The following TENM2 variants were observed in gnomAD, a reference collection of about 807,000 sequenced individuals.
The protein encoded by TENM2 is teneurin-2.
In TENM2, 52 loss-of-function variants were observed where a neutral mutation model predicts 245.2. The observed-to-expected ratio is 0.21, with a 90% confidence interval of 0.17 to 0.27. The LOEUF is 0.27. Among genes scored for constraint, TENM2 ranks in the 10% least tolerant of loss-of-function variants. The probability of loss-of-function intolerance (pLI) is 1.00; values close to 1 mark genes in which losing one functional copy is unlikely to be tolerated. For synonymous variants in TENM2, 1,363 were observed against 1,438.9 expected (o/e 0.95, Z 1.19); for missense variants, 3,046 against 3,666.8 (o/e 0.83, Z 4.37).
chr5:167,651,303 TTGTC>T (rs1754447160), intron 2 of TENM2, among the ~76,000 whole-genome samples: 1 of 152,056 alleles, frequency 6.6e-6, no homozygotes, highest in Admixed American at 6.5e-5. Flanking sequence ...GAAAAAATAT[TTGTC>T]TGACTCTTGA....
intron 9 of TENM2, among the ~76,000 whole-genome samples, chr5:168,112,698 GT>G (rs1274901578): frequency 6.6e-6 from 1 of 151,392 alleles, no homozygotes; most frequent in Non-Finnish European, 1.5e-5. Flanking sequence ...TCTGACACTG[GT>G]TTGCTCAGCA....
the TENM2 span, among the ~76,000 whole-genome samples, chr5:167,076,645 A>C: frequency 5.3e-5 from 8 of 152,216 alleles, no homozygotes; most frequent in African/African-American, 1.9e-4. Flanking sequence ...TAAGTGACCA[A>C]GTCTCTTTTA....
chr5:167,671,446 T>C (rs778634477), intron 2 of TENM2, among the ~76,000 whole-genome samples: 3 of 152,126 alleles, frequency 2.0e-5, no homozygotes, highest in South Asian at 2.1e-4. Context: ...GGAGACTTTA[T>C]TGAACTACAC....
chr5:167,470,658 A>G (rs1396349135), intron 2 of TENM2, among the ~76,000 whole-genome samples: 1 of 151,900 alleles, frequency 6.6e-6, no homozygotes, highest in Non-Finnish European at 1.5e-5. Flanking sequence ...TGGAACTTGA[A>G]GAAGTTCCTC....
intron 2 of TENM2, among the ~76,000 whole-genome samples, chr5:167,519,384 A>C (rs1194272293): frequency 1.3e-5 from 2 of 152,062 alleles, no homozygotes; most frequent in African/African-American, 4.8e-5. Context: ...TTCCACATCT[A>C]CCATTGATCC....
chr5:167,495,910 A>T (rs940443991), intron 2 of TENM2, among the ~76,000 whole-genome samples: 9 of 152,074 alleles, frequency 5.9e-5, no homozygotes, highest in African/African-American at 2.2e-4. Context: ...GATTCTCATG[A>T]CTTTGAAGCC....
Position 167,763,801 on chromosome 5 carries a change from C to A in TENM2, c.503-112185C>A, listed in dbSNP as rs537119024. On this transcript the variant is annotated intron_variant, in intron 2 of 28. Transcript: ENST00000518659. The stretch of plus-strand genomic sequence containing the variant: ...CTGTTTACTTTAATTAAGCTTTCCT[C>A]CGGCTCTCCAACTTGTTGAGCTTGA... 2.0e-4 allele frequency among the ~76,000 whole-genome samples: 30 copies of A among 152,268 alleles called. No individual in the cohort carries two copies. In the South Asian group the frequency reaches 5.6e-3, roughly 28 times the overall value.
intron 9 of TENM2, among the ~76,000 whole-genome samples, chr5:168,102,165 C>T (rs182418407): frequency 1.3e-5 from 2 of 152,108 alleles, no homozygotes; most frequent in Non-Finnish European, 1.5e-5. Flanking sequence ...CCTCCGCCTC[C>T]TGGGTTCAAG....
At chr5:167,175,018 C>T in the TENM2 span, among the ~76,000 whole-genome samples, 6 of 151,868 alleles carry the variant, frequency 4.0e-5, no homozygotes, top group African/African-American at 7.2e-5. Flanking sequence ...TTTTTAAAAC[C>T]GAACATTTAT....
the TENM2 span, among the ~76,000 whole-genome samples, chr5:166,999,357 G>A: frequency 5.9e-5 from 9 of 152,272 alleles, no homozygotes; most frequent in African/African-American, 1.7e-4. Context: ...GGTCCTGCCC[G>A]TTACTGAGAA....
At chr5:167,409,608 A>C (rs1022582824) in intron 2 of TENM2, among the ~76,000 whole-genome samples, 1 of 152,066 alleles carries the variant, frequency 6.6e-6, no homozygotes, top group Non-Finnish European at 1.5e-5. Flanking sequence ...GCATGCATAC[A>C]TAATAGGATT....
intron 3 of TENM2, among the ~76,000 whole-genome samples, chr5:167,878,081 G>A: frequency 6.6e-6 from 1 of 152,196 alleles, no homozygotes; most frequent in Admixed American, 6.5e-5. Context: ...CCATAAGAGA[G>A]GTCAGTTCAT....
At chr5:168,016,280 C>A (rs1451614350) in intron 5 of TENM2, among the ~76,000 whole-genome samples, 2 of 152,192 alleles carry the variant, frequency 1.3e-5, no homozygotes, top group Non-Finnish European at 2.9e-5. Context: ...AACACCCGTG[C>A]ACTGAACCAT....
intron 2 of TENM2, among the ~76,000 whole-genome samples, chr5:167,421,761 C>T (rs1476827608): frequency 6.6e-6 from 1 of 152,018 alleles, no homozygotes; most frequent in Non-Finnish European, 1.5e-5. Flanking sequence ...TACAAAATTC[C>T]TTATCACACT....
At chr5:167,469,062 C>A (rs1243643643) in intron 2 of TENM2, among the ~76,000 whole-genome samples, 1 of 152,086 alleles carries the variant, frequency 6.6e-6, no homozygotes, top group Non-Finnish European at 1.5e-5. Context: ...TACATAGAAA[C>A]TTTAAATGCT....
intron 2 of TENM2, among the ~76,000 whole-genome samples, chr5:167,670,783 C>A (rs1755887030): frequency 6.6e-6 from 1 of 152,256 alleles, no homozygotes; most frequent in South Asian, 2.1e-4. Flanking sequence ...TTTTCAACAG[C>A]CTGCTGGGCA....
intron 14 of TENM2, among the ~76,000 whole-genome samples, chr5:168,194,830 C>A (rs1395071908): frequency 3.9e-5 from 6 of 152,104 alleles, no homozygotes; most frequent in Admixed American, 3.9e-4. Flanking sequence ...GAAGCTCTCA[C>A]CCGAGTATGG....
At chr5:167,740,128 A>G (rs770613559) in intron 2 of TENM2, among the ~76,000 whole-genome samples, 6 of 152,160 alleles carry the variant, frequency 3.9e-5, no homozygotes, top group Non-Finnish European at 7.4e-5. Flanking sequence ...TTGGATTTGC[A>G]TATGTTCTTC....
intron 3 of TENM2, among the ~76,000 whole-genome samples, chr5:167,896,698 A>C (rs1775254170): frequency 6.6e-6 from 1 of 152,208 alleles, no homozygotes; most frequent in Non-Finnish European, 1.5e-5. Flanking sequence ...AGGTCACTCC[A>C]TTTATGATAA....
Sources: allele counts gnomAD v4.1 joint callset (sites outside exome capture counted in the v4.1 genomes callset), GRCh38; gene constraint gnomAD v4.1.1; transcripts MANE v1.5; gene names NCBI Gene and HGNC (gene_info 2026-07-23, HGNC 2026-07-21).